The following NCOR2 variants were observed in gnomAD, a reference collection of about 807,000 sequenced individuals.
NCOR2 encodes nuclear receptor corepressor 2, also known as CTG repeat protein 26.
Under a neutral mutation model 262.9 loss-of-function variants are expected in NCOR2, and 81 were observed. The ratio of observed to expected loss-of-function variants is 0.31; its 90% CI spans 0.26 to 0.37. NCOR2 has a LOEUF of 0.37. NCOR2 is among the 10% of genes least tolerant of loss of function. The pLI is 1.00. For synonymous variants in NCOR2, 1,659 were observed against 1,559.3 expected (o/e 1.06, Z -1.51); for missense variants, 3,385 against 3,621.4 (o/e 0.93, Z 1.68).
chr12:124,434,273 GC>G (rs1211798146), intron 8 of NCOR2, among the ~76,000 whole-genome samples: 1 of 152,114 alleles, frequency 6.6e-6, no homozygotes, highest in Non-Finnish European at 1.5e-5. Flanking sequence ...TCTCGGCCAA[GC>G]CCCCCTCCCC....
At chr12:124,362,154 C>T in exon 22 of NCOR2, 1 of 1,305,542 alleles carries the variant, frequency 7.7e-7, no homozygotes, top group Non-Finnish European at 9.7e-7. Context: ...GTGCCGGGCT[C>T]CTGCTCTTGC....
At chr12:124,372,635 G>C (rs752987847) in intron 19 of NCOR2, 25 bp from the exon 22 acceptor site, 28 of 1,581,310 alleles carry the variant, frequency 1.8e-5, no homozygotes, top group Non-Finnish European at 2.1e-5. Context: ...AAGGAAGAGG[G>C]GATGAGCAGG....
rs1303276160 is a variant in NCOR2, at chr12:124,348,305, G to A, written c.3854C>T (p.Ser1285Phe). ...GTCCTCCTTGGAGCACTGGGTCACA[G>A]ACATGCCACCTGGAAACCACACAAA... Residue 1285 changes from serine (S) to phenylalanine (F), a missense_variant, in exon 29 of 47, where the codon TCT becomes TTT. Transcript: ENST00000405201. 1 of 1,608,178 alleles carries A rather than the reference G, an allele frequency of 6.2e-7. No individual in the cohort carries two copies.
chr12:124,412,094 C>T (rs2042616223), intron 13 of NCOR2, among the ~76,000 whole-genome samples: 1 of 152,272 alleles, frequency 6.6e-6, no homozygotes, highest in Non-Finnish European at 1.5e-5. Context: ...CAAGGCTAAG[C>T]ACCAGTGCCA....
intron 20 of NCOR2, among the ~76,000 whole-genome samples, chr12:124,367,342 C>T (rs79414522): frequency 6.6e-6 from 1 of 152,266 alleles, no homozygotes; most frequent in African/African-American, 2.4e-5. Flanking sequence ...CATGGAGGTA[C>T]CACTTTATAG....
intron 12 of NCOR2, among the ~76,000 whole-genome samples, chr12:124,421,257 C>G (rs988423040): frequency 6.6e-6 from 1 of 152,366 alleles, no homozygotes; most frequent in South Asian, 2.1e-4. Flanking sequence ...TCTACTGAAG[C>G]CTTGTCCTGG....
chr12:124,466,701 T>C (rs560746241), intron 4 of NCOR2, among the ~76,000 whole-genome samples: 18 of 152,136 alleles, frequency 1.2e-4, no homozygotes, highest in Admixed American at 5.2e-4. Context: ...TTACGGTTCC[T>C]ACAGGCAGCA....
exon 42 of NCOR2, chr12:124,333,243 A>G (rs61751353): frequency 0.016 from 26,030 of 1,611,376 alleles, 1,030 homozygotes; most frequent in South Asian, 0.11. Context: ...CGTCCTCACC[A>G]CCACCCAAGA....
At chr12:124,333,682 G>T (rs972354085) in intron 41 of NCOR2, among the ~76,000 whole-genome samples, 2 of 145,220 alleles carry the variant, frequency 1.4e-5, no homozygotes, top group South Asian at 2.2e-4. Flanking sequence ...CCACCAAAAC[G>T]CCTCCTTCAC....
intron 6 of NCOR2, 105 bp from the exon 9 acceptor site, chr12:124,449,972 GGT>G: frequency 1.7e-6 from 2 of 1,186,638 alleles, no homozygotes; most frequent in East Asian, 4.9e-5. Flanking sequence ...CTGTCCTCTG[GGT>G]GAGGGCTCAG....
At chr12:124,430,007 G>T (rs572220926) in intron 9 of NCOR2, among the ~76,000 whole-genome samples, 1 of 152,104 alleles carries the variant, frequency 6.6e-6, no homozygotes, top group Non-Finnish European at 1.5e-5. Flanking sequence ...GCCCTGGGCC[G>T]AAGTGTTTCT....
At chr12:124,471,115 C>A (rs1251477350) in intron 4 of NCOR2, among the ~76,000 whole-genome samples, 1 of 152,236 alleles carries the variant, frequency 6.6e-6, no homozygotes, top group Non-Finnish European at 1.5e-5. Context: ...GTCTCCAGGA[C>A]CGGGTCTCAC....
rs79897141 is a variant in NCOR2, at chr12:124,429,299, T to C, written c.1149+314A>G. ...GGAAGTTCCAAAAGGAGGCAGGAGATGGGAAGAGTGAGAGGCAGGGTCCTC... is the reference window on the plus strand; with the variant it reads ...GGAAGTTCCAAAAGGAGGCAGGAGACGGGAAGAGTGAGAGGCAGGGTCCTC... On this transcript the variant is annotated intron_variant, in intron 10 of 46. Transcript: ENST00000405201. 2,477 of 371,216 alleles carry C rather than the reference T, an allele frequency of 6.7e-3. 128 individuals are homozygous for C. The East Asian group carries it at 0.12, about 17-fold the overall frequency. 23.0% of individuals were successfully genotyped at this position (371,216 alleles called of 1,614,324 possible).
At chr12:124,335,328 C>A in intron 39 of NCOR2, 48 bp from the exon 42 acceptor site, 1 of 1,518,668 alleles carries the variant, frequency 6.6e-7, no homozygotes, top group Non-Finnish European at 8.8e-7. Context: ...GGCCCCAGGG[C>A]TGCTGGGCCC....
At chr12:124,456,144 G>T (rs1181001870) in intron 6 of NCOR2, among the ~76,000 whole-genome samples, 4 of 152,224 alleles carry the variant, frequency 2.6e-5, no homozygotes, top group Non-Finnish European at 5.9e-5. Flanking sequence ...CCATAGCACT[G>T]GGATTACAGG....
chr12:124,401,862 C>T (rs569479846), intron 14 of NCOR2, among the ~76,000 whole-genome samples: 1 of 152,218 alleles, frequency 6.6e-6, no homozygotes, highest in African/African-American at 2.4e-5. Flanking sequence ...GTGCCGCCCC[C>T]CTTTCTCCAG....
At chr12:124,495,733 G>A (rs536657573), upstream of NCOR2, among the ~76,000 whole-genome samples, 4 of 152,260 alleles carry the variant, frequency 2.6e-5, no homozygotes, top group African/African-American at 9.6e-5. The surrounding 1 kb of genome is among the most constrained non-coding windows in gnomAD (Gnocchi z 4.4). Context: ...AAGTCACAGG[G>A]CAGAATTCCC....
Position 124,483,491 on chromosome 12 carries a change from C to T in NCOR2, c.411+105G>A, listed in dbSNP as rs993911667. 28 of 1,272,704 alleles carry T rather than the reference C, an allele frequency of 2.2e-5. No homozygotes were observed. The highest frequency in any genetic ancestry group is 1.8e-4 in the Admixed American group (6 of 32,722). 78.8% of individuals were successfully genotyped at this position (1,272,704 alleles called of 1,614,324 possible). On this transcript the variant is annotated intron_variant, in intron 3 of 46. Transcript: ENST00000405201. This position sits in a 1 kb window ranked among gnomAD's most constrained non-coding sequence, Gnocchi z 6.3. ...CTTGGCCCACCTCCAAGCCTTTGCC[C>T]GAGCTGCCCCCTCCCTGCACCCCTA... is the stretch of plus-strand genomic sequence containing the variant.
rs757727372 is a variant in NCOR2 at position 124,367,983 on chromosome 12, C to T, written c.2807+4039G>A. Among the ~76,000 whole-genome samples, 30 of 152,210 alleles carry T rather than the reference C, an allele frequency of 2.0e-4. 1 individual carries two copies. The highest frequency in any genetic ancestry group is 2.8e-4 in the Non-Finnish European group (19 of 68,032). ...CAGCCACTTCTATTTTCCTTTCTGG[C>T]GGCCTGGGTGGGGCGGGGACTCTCA... is the stretch of plus-strand genomic sequence containing the variant. On this transcript the variant is annotated intron_variant, in intron 20 of 46. Transcript: ENST00000405201.
Sources: allele counts gnomAD v4.1 joint callset (sites outside exome capture counted in the v4.1 genomes callset), GRCh38; gene constraint gnomAD v4.1.1; non-coding constraint Gnocchi (gnomAD v3.1); transcripts MANE v1.5; gene names NCBI Gene and HGNC (gene_info 2026-07-23, HGNC 2026-07-21).